DOCK1: variants seen among roughly 807,000 people sequenced by gnomAD.
DOCK1 encodes dedicator of cytokinesis 1, also known as dedicator of cytokinesis protein 1.
In DOCK1, 138 loss-of-function variants were observed where a neutral mutation model predicts 262.7. The ratio of observed to expected loss-of-function variants is 0.53; its 90% CI spans 0.46 to 0.61. DOCK1 has a LOEUF of 0.61. Among genes scored for constraint, DOCK1 ranks in the 20% least tolerant of loss-of-function variants. The pLI is 0.00. For synonymous variants in DOCK1, 866 were observed against 867.4 expected, an observed-to-expected ratio of 1.00 and a Z score of 0.03; for missense variants, 1,908 against 2,370.7, an observed-to-expected ratio of 0.80 and a Z score of 4.05.
rs71490109 is a variant in DOCK1, at chr10:127,093,198, T to TTTTCTTTCTTTCTTTCTTTCTTTCTTTC, written c.2446-13010_2446-13009insCTTTCTTTCTTTCTTTCTTTCTTTCTTT. ...CTTTGCATCTGAATCTCCCTCTCCTTTTTCTTTCTTTCTTTCTTTCTTTTC... is the reference window on the plus strand; with the variant it reads ...CTTTGCATCTGAATCTCCCTCTCCTTTTTCTTTCTTTCTTTCTTTCTTTCTTTCTTTCTTTCTTTCTTTCTTTCTTTTC... On this transcript the variant is annotated intron_variant, in intron 23 of 51. Transcript: ENST00000623213. Among the ~76,000 whole-genome samples, 179 of 92,436 alleles carry TTTTCTTTCTTTCTTTCTTTCTTTCTTTC rather than the reference T, an allele frequency of 1.9e-3. 16 individuals are homozygous for TTTTCTTTCTTTCTTTCTTTCTTTCTTTC. Among genetic ancestry groups the TTTTCTTTCTTTCTTTCTTTCTTTCTTTC allele is most frequent in the Middle Eastern group, 6.8e-3 (1 of 148 alleles). 60.6% of individuals were successfully genotyped at this position (92,436 alleles called of 152,430 possible).
In DOCK1 at chr10:127,266,740, T is replaced by C. The variant is rs73382421; in HGVS notation, c.3044+9311T>C. On this transcript the variant is annotated intron_variant, in intron 29 of 51. Coordinates refer to ENST00000623213, the MANE Select transcript of DOCK1 (RefSeq NM_001290223.2). ...TTGAAACTCAGTATAGTGAAAACAT[T>C]CTGGAATGAAGATTTCCCTAGAGTT... Among the ~76,000 whole-genome samples, 421 of 152,264 alleles carry C rather than the reference T, an allele frequency of 2.8e-3. 2 individuals carry two copies. Among genetic ancestry groups the C allele is most frequent in the African/African-American group, 9.7e-3 (404 of 41,536 alleles).
intron 38 of DOCK1, among the ~76,000 whole-genome samples, chr10:127,385,970 A>T (rs1185408368): frequency 1.3e-5 from 2 of 152,158 alleles, no homozygotes; most frequent in African/African-American, 4.8e-5. Flanking sequence ...TTTCCAAATA[A>T]GGTCAGATTC....
chr10:127,117,526 T>A (rs541498981), intron 25 of DOCK1, among the ~76,000 whole-genome samples: 1 of 152,300 alleles, frequency 6.6e-6, no homozygotes, highest in East Asian at 1.9e-4. Flanking sequence ...GTATACAGTG[T>A]TGTGCTTATA....
At chr10:127,140,278 T>C (rs893976165) in intron 27 of DOCK1, among the ~76,000 whole-genome samples, 13 of 152,186 alleles carry the variant, frequency 8.5e-5, no homozygotes, top group Non-Finnish European at 1.5e-4. Context: ...TCTGAGTTCT[T>C]GTTAACAAAA....
intron 43 of DOCK1, among the ~76,000 whole-genome samples, chr10:127,411,727 C>G (rs2067860713): frequency 6.6e-6 from 1 of 151,982 alleles, no homozygotes; most frequent in Non-Finnish European, 1.5e-5. Context: ...GTAATCCCAG[C>G]TATTTGGGAG....
chr10:127,235,546 G>T (rs2059016388), intron 27 of DOCK1, among the ~76,000 whole-genome samples: 1 of 152,130 alleles, frequency 6.6e-6, no homozygotes, highest in South Asian at 2.1e-4. Flanking sequence ...TAGGTGTTTG[G>T]AGTGTCCCCT....
chr10:127,027,648 G>A (rs574401997), intron 16 of DOCK1, among the ~76,000 whole-genome samples: 25 of 152,276 alleles, frequency 1.6e-4, no homozygotes, highest in African/African-American at 6.0e-4. Context: ...TTGAAGGTCA[G>A]GCAAGGTGGA....
intron 12 of DOCK1, among the ~76,000 whole-genome samples, chr10:127,015,567 T>C (rs9418777): frequency 0.81 from 122,882 of 151,972 alleles, 49,952 homozygotes; most frequent in South Asian, 0.89. Context: ...TCTTCCTATT[T>C]CAAGGAACGG....
At chr10:127,389,831 T>C (rs2066365329) in intron 38 of DOCK1, among the ~76,000 whole-genome samples, 1 of 151,986 alleles carries the variant, frequency 6.6e-6, no homozygotes, top group Non-Finnish European at 1.5e-5. Flanking sequence ...CTGGCCAATA[T>C]GACAAAACCC....
In DOCK1 at chr10:126,958,422, G is replaced by T. The variant is rs1440427796; in HGVS notation, c.47-12280G>T. On this transcript the variant is annotated intron_variant, in intron 1 of 51. Transcript: ENST00000623213. Reference sequence around the variant, plus strand: ...CAGAAGCCAGCCATACAGAGGGTAGGTTGACAGGGAAGTCACAGCTCATGG... The same window carrying T: ...CAGAAGCCAGCCATACAGAGGGTAGTTTGACAGGGAAGTCACAGCTCATGG... Among the ~76,000 whole-genome samples the T allele has an allele frequency of 2.0e-5, 3 of 152,318 alleles. 1 individual carries two copies. Among genetic ancestry groups the T allele is most frequent in the Middle Eastern group, 6.8e-3 (2 of 294 alleles).
At chr10:127,023,438 C>A in intron 14 of DOCK1, 114 bp downstream of exon 14, 7 of 1,399,272 alleles carry the variant, frequency 5.0e-6, no homozygotes, top group Non-Finnish European at 5.8e-6. Context: ...AGTCCCGTTT[C>A]TTGGGATTGG....
At chr10:127,268,580 G>GTTTCCCCATTTTA (rs2060456868) in intron 29 of DOCK1, among the ~76,000 whole-genome samples, 1 of 150,480 alleles carries the variant, frequency 6.6e-6, no homozygotes, top group African/African-American at 2.4e-5. Flanking sequence ...TCTTCTCCTT[G>GTTTCCCCATTTTA]TTTCCCCATT....
intron 23 of DOCK1, 118 bp from the exon 24 acceptor site, chr10:127,106,113 T>C: frequency 9.5e-7 from 1 of 1,057,266 alleles, no homozygotes; most frequent in Non-Finnish European, 1.4e-6. Flanking sequence ...CAGCCCCTCA[T>C]CTGGAAGTGA....
chr10:127,201,075 G>A (rs927832597), intron 27 of DOCK1, among the ~76,000 whole-genome samples: 3 of 152,176 alleles, frequency 2.0e-5, no homozygotes, highest in African/African-American at 4.8e-5. Context: ...TATCGCCTTC[G>A]ACCTGTAGGG....
intron 27 of DOCK1, among the ~76,000 whole-genome samples, chr10:127,141,683 A>AC (rs1009552090): frequency 6.6e-6 from 1 of 152,088 alleles, no homozygotes; most frequent in African/African-American, 2.4e-5. Context: ...AAACAAAAAA[A>AC]AAAAAAAAGC....
intron 1 of DOCK1, among the ~76,000 whole-genome samples, chr10:126,932,360 G>A (rs920048262): frequency 0.053 from 8,020 of 152,246 alleles, 278 homozygotes; most frequent in Middle Eastern, 0.088. Flanking sequence ...AGTAAGACCC[G>A]TGTCTCCAAA....
Position 127,061,721 on chromosome 10 carries a change from T to C in DOCK1, c.2390T>C (p.Phe797Ser), listed in dbSNP as rs1400567493. Reference protein sequence around the residue: ...ADFVESLLQLFRSINDMMSSM... With the variant: ...ADFVESLLQLSRSINDMMSSM... ...TTCGTGGAATCTTTGCTGCAGCTCT[T>C]CAGGTCCATCAATGACATGATGAGC... Residue 797 changes from phenylalanine to serine, a missense_variant, in exon 23 of 52, where the codon TTC becomes TCC. By Grantham distance (155) the Phe-to-Ser change is radical (BLOSUM62 -2). This residue lies in a region of DOCK1 where 518 missense variants were observed against 575.1 expected (regional missense o/e 0.90). Transcript: ENST00000623213. The C allele has an allele frequency of 2.5e-6, 4 of 1,597,836 alleles. No homozygotes were observed. Among genetic ancestry groups the C allele is most frequent in the Non-Finnish European group, 2.6e-6 (3 of 1,172,158 alleles).
chr10:127,043,242 T>C, intron 21 of DOCK1, 78 bp downstream of exon 21: 2 of 1,169,972 alleles, frequency 1.7e-6, no homozygotes, highest in Non-Finnish European at 2.5e-6. Flanking sequence ...TCATGTACTT[T>C]TGTCTATGAC....
chr10:127,032,770 T>C (rs895720443), intron 18 of DOCK1, among the ~76,000 whole-genome samples: 2 of 152,168 alleles, frequency 1.3e-5, no homozygotes, highest in African/African-American at 4.8e-5. Context: ...TTGCCCAGGC[T>C]ATTCCCAAAC....
Sources: allele counts gnomAD v4.1 joint callset (sites outside exome capture counted in the v4.1 genomes callset), GRCh38; gene constraint gnomAD v4.1.1; regional missense constraint gnomAD v4.1.1; transcripts MANE v1.5; gene names NCBI Gene and HGNC (gene_info 2026-07-23, HGNC 2026-07-21).